USP54: variants seen among roughly 807,000 people sequenced by gnomAD.
USP54 encodes ubiquitin carboxyl-terminal hydrolase 54.
In USP54, 87 loss-of-function variants were observed where a neutral mutation model predicts 170.5. That is an observed-to-expected ratio of 0.51 (90% CI 0.43 to 0.61). The LOEUF (loss-of-function observed/expected upper bound fraction) is 0.61, where lower values mean the gene tolerates loss of function less well. USP54 is among the 20% of genes least tolerant of loss of function. The pLI is 0.00. For synonymous variants in USP54, 655 were observed against 742.8 expected, an observed-to-expected ratio of 0.88 and a Z score of 1.92; for missense variants, 1,786 against 2,047.8, an observed-to-expected ratio of 0.87 and a Z score of 2.47.
intron 1 of USP54, among the ~76,000 whole-genome samples, chr10:73,619,154 A>C (rs925899515): frequency 6.6e-6 from 1 of 150,658 alleles, no homozygotes; most frequent in Non-Finnish European, 1.5e-5. Context: ...TGAAGGTTGC[A>C]TTCCAGCCTG....
At chr10:73,527,871 A>G (rs1216527981) in intron 15 of USP54, among the ~76,000 whole-genome samples, 1 of 151,754 alleles carries the variant, frequency 6.6e-6, no homozygotes, top group Admixed American at 6.6e-5. Context: ...AACGACAACA[A>G]AACACTGTCC....
At chr10:73,605,396 G>T (rs1341489943) in intron 1 of USP54, among the ~76,000 whole-genome samples, 1 of 151,998 alleles carries the variant, frequency 6.6e-6, no homozygotes, top group Non-Finnish European at 1.5e-5. Flanking sequence ...ATGTGGTGGT[G>T]TGTGCCTGTA....
At chr10:73,535,859 T>TAAA (rs138125319) in intron 11 of USP54, among the ~76,000 whole-genome samples, 35 of 152,248 alleles carry the variant, frequency 2.3e-4, no homozygotes, top group African/African-American at 8.4e-4. Context: ...TTTGCAATTT[T>TAAA]AAAACAAAAA....
upstream of USP54, chr10:73,591,470 G>C: frequency 6.6e-6 from 1 of 152,298 alleles, no homozygotes; most frequent in East Asian, 1.9e-4. Flanking sequence ...CCGCAGAACA[G>C]GATATCAGAG....
chr10:73,589,434 A>T (rs1370141547), intron 1 of USP54, among the ~76,000 whole-genome samples: 1 of 152,202 alleles, frequency 6.6e-6, no homozygotes, highest in Non-Finnish European at 1.5e-5. Flanking sequence ...ATCAATAGCA[A>T]TTTATTAGGC....
chr10:73,513,534 G>A (rs1351726266), intron 20 of USP54: 2 of 151,728 alleles, frequency 1.3e-5, no homozygotes, highest in African/African-American at 2.4e-5. Flanking sequence ...ATAAATTACA[G>A]TACATTCATA....
intron 1 of USP54, among the ~76,000 whole-genome samples, chr10:73,622,546 A>C (rs2081177001): frequency 6.6e-6 from 1 of 150,716 alleles, no homozygotes; most frequent in South Asian, 2.1e-4. Flanking sequence ...CTGATCTCAA[A>C]CTCCTGACCT....
At chr10:73,537,413 T>C (rs538925490) in intron 10 of USP54, among the ~76,000 whole-genome samples, 2 of 151,996 alleles carry the variant, frequency 1.3e-5, no homozygotes, top group Non-Finnish European at 2.9e-5. Flanking sequence ...GTGTAGATTA[T>C]AGTCACACCT....
intron 4 of USP54, among the ~76,000 whole-genome samples, chr10:73,566,988 T>C (rs1391043752): frequency 6.6e-6 from 1 of 151,916 alleles, no homozygotes; most frequent in Admixed American, 6.6e-5. Flanking sequence ...GTGATTCTCA[T>C]ACCTCAGCCT....
chr10:73,529,448 TTAAAATTA>T, intron 15 of USP54: 1 of 553,886 alleles, frequency 1.8e-6, no homozygotes, highest in Non-Finnish European at 3.2e-6. Context: ...ACCTAATTTT[TTAAAATTA>T]TTTTATACAT....
chr10:73,524,582 AAAT>A (rs750080985), intron 16 of USP54, among the ~76,000 whole-genome samples: 2 of 152,142 alleles, frequency 1.3e-5, no homozygotes, highest in Admixed American at 6.5e-5. Context: ...CTTCGTCTCA[AAAT>A]AATAATAATA....
chr10:73,516,770 G>GT lies in USP54; in HGVS notation c.3655dup (p.Thr1219AsnfsTer3). ...CAACCTGGGCTGTCCTCCGCTAGAA[G>GT]TTTCACCATTAGGCAGCCCAGAGTT... On this transcript the variant is annotated frameshift_variant, in exon 20 of 24. Coordinates refer to ENST00000687698, the MANE Select transcript of USP54 (RefSeq NM_001391956.1). LOFTEE classifies it high-confidence loss of function. 6.2e-7 allele frequency: 1 copy of GT among 1,614,160 alleles called. No homozygotes were observed. The highest frequency in any genetic ancestry group is 8.5e-7 in the Non-Finnish European group (1 of 1,180,022).
chr10:73,547,518 C>G (rs1429950607), intron 4 of USP54, among the ~76,000 whole-genome samples: 1 of 152,184 alleles, frequency 6.6e-6, no homozygotes, highest in African/African-American at 2.4e-5. Context: ...CAGCATGGTA[C>G]TGGTACCAAA....
chr10:73,545,645 T>C lies in USP54; in HGVS notation c.268A>G (p.Ser90Gly), dbSNP rs776118020. 6.8e-6 allele frequency: 11 copies of C among 1,614,160 alleles called. No homozygotes were observed. The highest frequency in any genetic ancestry group is 9.3e-6 in the Non-Finnish European group (11 of 1,179,990). The change falls in exon 5 of 24, where the codon AGT becomes GGT. Residue 90 changes from serine to glycine, a missense_variant. Physicochemically the swap from Ser to Gly is moderately conservative, Grantham distance 56. Coordinates refer to ENST00000687698, the MANE Select transcript of USP54 (RefSeq NM_001391956.1). Reference sequence around the variant, plus strand: ...GTGTCAGATGGAAGCACTTTTTCACTACTACACTGAAACTGGTTAAAGATT... The same window carrying C: ...GTGTCAGATGGAAGCACTTTTTCACCACTACACTGAAACTGGTTAAAGATT... ...KGIFNQFQCS[S>G]EKVLPSDTLR... is the part of the protein sequence containing the mutation.
At position 73,504,944 on chromosome 10, in the gene USP54, T is replaced by C. The variant is rs146046461; in HGVS notation, c.4217A>G (p.Gln1406Arg). 1.4e-4 allele frequency: 230 copies of C among 1,614,008 alleles called. No homozygotes were observed. Among genetic ancestry groups the C allele is most frequent in the Admixed American group, 2.3e-4 (14 of 59,986 alleles). Reference protein sequence around the residue: ...GLSRECGEDEQYSAENLRRIS... With the variant: ...GLSRECGEDERYSAENLRRIS... ...GCGACGTAAATTCTCTGCACTGTAC[T>C]GCTCATCCTCCCCACACTCCCTGCT... The change falls in exon 22 of 24, where the codon CAG (glutamine) becomes CGG (arginine). Residue 1406 changes from glutamine to arginine, a missense_variant. Gln to Arg is a conservative substitution (Grantham distance 43). This residue lies in a region of USP54 where 1,418 missense variants were observed against 1,569.0 expected (regional missense o/e 0.90). Transcript: ENST00000687698.
At chr10:73,536,102 G>T in intron 11 of USP54, 167 bp downstream of exon 11, 1 of 880,308 alleles carries the variant, frequency 1.1e-6, no homozygotes, top group Non-Finnish European at 1.8e-6. Flanking sequence ...GGAAATAAAG[G>T]CTGGCCCAAG....
At chr10:73,583,766 T>A (rs901543529) in intron 1 of USP54, among the ~76,000 whole-genome samples, 2 of 151,314 alleles carry the variant, frequency 1.3e-5, no homozygotes, top group Non-Finnish European at 2.9e-5. Context: ...AAAAAAAAAA[T>A]AAATTACAAT....
chr10:73,612,230 C>G (rs11000721), intron 1 of USP54, among the ~76,000 whole-genome samples: 5,708 of 151,948 alleles, frequency 0.038, 333 homozygotes, highest in African/African-American at 0.13. Flanking sequence ...TTTTATTGAG[C>G]TAGCTTCTCC....
Position 73,520,683 on chromosome 10 carries a change from T to C in USP54, c.2482+225A>G, listed in dbSNP as rs77420234. Among the ~76,000 whole-genome samples, 374 of 152,330 alleles carry C rather than the reference T, an allele frequency of 2.5e-3. 8 individuals carry two copies. The highest frequency in any genetic ancestry group is 8.1e-3 in the African/African-American group (335 of 41,578). On this transcript the variant is annotated intron_variant, in intron 18 of 23. Transcript: ENST00000687698. ...TAGGCATGACTGGAGAAATCATCTA[T>C]GGATTCCTTGCTGAGGTTATTCTGG...
Sources: allele counts gnomAD v4.1 joint callset (sites outside exome capture counted in the v4.1 genomes callset), GRCh38; gene constraint gnomAD v4.1.1; regional missense constraint gnomAD v4.1.1; transcripts MANE v1.5; gene names NCBI Gene and HGNC (gene_info 2026-07-23, HGNC 2026-07-21).